PCDHGB5: variants seen among roughly 807,000 people sequenced by gnomAD.
PCDHGB5 encodes protocadherin gamma-B5.
Under a neutral mutation model 62.9 loss-of-function variants are expected in PCDHGB5, and 48 were observed. That is an observed-to-expected ratio of 0.76 (90% confidence interval 0.61 to 0.97). PCDHGB5 has a LOEUF of 0.97. Ranked by LOEUF, PCDHGB5 falls within the 50% of genes least tolerant of loss-of-function variation. PCDHGB5 has a pLI of 0.00. For synonymous variants in PCDHGB5, 474 were observed against 511.2 expected (o/e 0.93, Z 0.98); for missense variants, 1,118 against 1,198.6 (o/e 0.93, Z 0.99).
intron 1 of PCDHGB5, among the ~76,000 whole-genome samples, chr5:141,401,288 G>A (rs973425272): frequency 1.3e-5 from 2 of 152,094 alleles, no homozygotes; most frequent in Non-Finnish European, 2.9e-5. Flanking sequence ...GTTGCGGTGA[G>A]CCGAGATCAC....
At chr5:141,505,154 C>T (rs1443235547) in intron 2 of PCDHGB5, among the ~76,000 whole-genome samples, 2 of 152,028 alleles carry the variant, frequency 1.3e-5, no homozygotes, top group Non-Finnish European at 2.9e-5. Flanking sequence ...AGAGTAAGAC[C>T]CTGTCTAAAA....
Position 141,493,957 on chromosome 5 carries a change from G to A in PCDHGB5, c.2398-850G>A, listed in dbSNP as rs1360777586. 6.6e-6 allele frequency among the ~76,000 whole-genome samples: 1 copy of A among 152,228 alleles called. No individual in the cohort carries two copies. The highest frequency in any genetic ancestry group is 2.4e-5 in the African/African-American group (1 of 41,458). On this transcript the variant is annotated intron_variant, in intron 1 of 3. Coordinates refer to ENST00000617380, the MANE Select transcript of PCDHGB5 (RefSeq NM_018925.3). This position sits in a 1 kb window ranked among gnomAD's most constrained non-coding sequence, Gnocchi z 4.3. ...AGACCAGAAGGGACTCAGGAATGAA[G>A]TGGCTGGCCAGAGCCCCACACCTTC... is the stretch of plus-strand genomic sequence containing the variant.
intron 1 of PCDHGB5, chr5:141,404,146 A>G: frequency 1.2e-6 from 2 of 1,613,058 alleles, no homozygotes; most frequent in Non-Finnish European, 1.7e-6. Context: ...AAAATTCAGA[A>G]GAAGATTATT....
intron 1 of PCDHGB5, among the ~76,000 whole-genome samples, chr5:141,450,829 ATTT>A (rs373424450): frequency 7.4e-6 from 1 of 135,126 alleles, no homozygotes; most frequent in African/African-American, 2.7e-5. Flanking sequence ...TATTATTATT[ATTT>A]TTTTTTTTTT....
intron 1 of PCDHGB5, chr5:141,412,862 T>A (rs957973834): frequency 7.5e-5 from 18 of 241,156 alleles, no homozygotes; most frequent in African/African-American, 3.4e-4. Context: ...AAAGAATCTA[T>A]GTAAAATATA....
intron 1 of PCDHGB5, chr5:141,427,619 C>T: frequency 1.4e-6 from 1 of 696,342 alleles, no homozygotes; most frequent in Non-Finnish European, 2.6e-6. Context: ...AAGTCAACGA[C>T]AATGCTCCGG....
At chr5:141,429,500 A>C (rs1050435175) in intron 1 of PCDHGB5, among the ~76,000 whole-genome samples, 1 of 152,148 alleles carries the variant, frequency 6.6e-6, no homozygotes, top group Non-Finnish European at 1.5e-5. Flanking sequence ...CAGTTGCCTG[A>C]AACTGTGCCT....
Position 141,397,986 on chromosome 5 carries a change from C to G in PCDHGB5, c.-142C>G. 2 of 1,316,082 alleles carry G rather than the reference C, an allele frequency of 1.5e-6. No homozygotes were observed. The highest frequency in any genetic ancestry group is 2.1e-6 in the Non-Finnish European group (2 of 975,578). 81.5% of individuals were successfully genotyped at this position (1,316,082 alleles called of 1,614,324 possible). ...GACTCCCCAGCGCCGGCCTTTACAC[C>G]GCTTCCTCCTCGGAAAAAGAATCGT... is the stretch of plus-strand genomic sequence containing the variant. On this transcript the variant is annotated 5_prime_UTR_variant, in exon 1 of 4. Transcript: ENST00000617380.
intron 1 of PCDHGB5, among the ~76,000 whole-genome samples, chr5:141,483,993 G>T (rs1307708919): frequency 6.8e-6 from 1 of 147,882 alleles, no homozygotes; most frequent in Non-Finnish European, 1.5e-5. Flanking sequence ...AGGTTGCTGG[G>T]AGGTCTGGAT....
rs1190624035 is a variant in PCDHGB5, at chr5:141,432,332, T to G, written c.2397+31808T>G. ...GCTGAGCTCCTTCGACTACGAGCAG[T>G]TCCGAGACTTGCAAGTGAAAGTGAT... On this transcript the variant is annotated intron_variant, in intron 1 of 3. Coordinates refer to ENST00000617380, the MANE Select transcript of PCDHGB5 (RefSeq NM_018925.3). The surrounding 1 kb of genome is among the most constrained non-coding windows in gnomAD (Gnocchi z 6.0). The G allele has an allele frequency of 2.5e-6, 4 of 1,614,116 alleles. No homozygotes were observed. In the African/African-American group the frequency reaches 5.3e-5, roughly 22 times the overall value.
intron 1 of PCDHGB5, among the ~76,000 whole-genome samples, chr5:141,401,848 T>C (rs1476670200): frequency 6.6e-6 from 1 of 152,230 alleles, no homozygotes; most frequent in Non-Finnish European, 1.5e-5. Flanking sequence ...TACCACTTAC[T>C]TTTAACCTTT....
chr5:141,428,773 T>C (rs1036838681), intron 1 of PCDHGB5: 1 of 154,174 alleles, frequency 6.5e-6, no homozygotes, highest in Admixed American at 6.4e-5. Context: ...CCACTCTTAA[T>C]ATTTCCTGTT....
Position 141,414,954 on chromosome 5 carries a change from C to T in PCDHGB5, c.2397+14430C>T, listed in dbSNP as rs759955017. ...CCGCAGAGCCCGGCTACCTGGTGAC[C>T]AAGGTGGTGGCGGTGGACAGAGACT... On this transcript the variant is annotated intron_variant, in intron 1 of 3. Coordinates refer to ENST00000617380, the MANE Select transcript of PCDHGB5 (RefSeq NM_018925.3). 10 of 1,614,058 alleles carry T rather than the reference C, an allele frequency of 6.2e-6. No individual in the cohort carries two copies. The Admixed American group carries it at 1.7e-4, about 27-fold the overall frequency.
intron 1 of PCDHGB5, chr5:141,441,743 C>T (rs1298220876): frequency 1.4e-5 from 5 of 367,166 alleles, no homozygotes; most frequent in Non-Finnish European, 2.2e-5. Context: ...AGCTCGCGCT[C>T]GGCGTCAACG....
At chr5:141,495,278 C>A (rs2099760057) in intron 2 of PCDHGB5, among the ~76,000 whole-genome samples, 1 of 152,174 alleles carries the variant, frequency 6.6e-6, no homozygotes, top group Non-Finnish European at 1.5e-5. Context: ...CCGGAGGAGG[C>A]GGTCCGCACT....
In PCDHGB5 at chr5:141,399,551, T is replaced by C; in HGVS notation, c.1424T>C (p.Leu475Pro). Residue 475 changes from leucine to proline, a missense_variant, in exon 1 of 4, where the codon CTG (leucine) becomes CCG (proline). By Grantham distance (98) the Leu-to-Pro change is moderately conservative. Transcript: ENST00000617380. ...ASIAQVCASD[L>P]DLGLNGQVSY... ...ATCGCGCAAGTCTGCGCCTCGGACC[T>C]GGACTTGGGGTTGAACGGCCAAGTC... 6.2e-7 allele frequency: 1 copy of C among 1,614,052 alleles called. No homozygotes were observed. Among genetic ancestry groups the C allele is most frequent in the Non-Finnish European group, 8.5e-7 (1 of 1,179,894 alleles).
At chr5:141,459,568 CAG>C (rs930633590) in intron 1 of PCDHGB5, among the ~76,000 whole-genome samples, 1 of 152,152 alleles carries the variant, frequency 6.6e-6, no homozygotes, top group Non-Finnish European at 1.5e-5. Context: ...TACCCCAAAA[CAG>C]AATTGTTTTG....
intron 1 of PCDHGB5, chr5:141,423,057 T>C (rs1443300486): frequency 6.2e-7 from 1 of 1,614,060 alleles, no homozygotes; most frequent in Non-Finnish European, 8.5e-7. Flanking sequence ...ATCGCCTGCT[T>C]AAGGCCAGCG....
chr5:141,405,595 A>C (rs1255161296), intron 1 of PCDHGB5: 1 of 578,138 alleles, frequency 1.7e-6, no homozygotes, highest in Non-Finnish European at 3.1e-6. Flanking sequence ...CAGGCCTCCC[A>C]AGTAGAATAA....
Sources: gnomAD v4.1 joint callset for allele counts (sites outside exome capture counted in the v4.1 genomes callset) on GRCh38, gnomAD v4.1.1 for gene constraint, Gnocchi (gnomAD v3.1) non-coding constraint, MANE v1.5 for transcripts, NCBI Gene and HGNC (gene_info 2026-07-23, HGNC 2026-07-21) for gene names.